The following MAN2A1 variants were observed in gnomAD, a reference collection of about 807,000 sequenced individuals.
MAN2A1 encodes the protein mannosidase alpha class 2A member 1.
In MAN2A1, 76 loss-of-function variants were observed where a neutral mutation model predicts 142.6. The observed-to-expected ratio is 0.53, with a 90% CI of 0.44 to 0.65. MAN2A1 has a LOEUF of 0.65. Among genes scored for constraint, MAN2A1 ranks in the 30% least tolerant of loss-of-function variants. The pLI, the probability that MAN2A1 is intolerant of heterozygous loss-of-function variation, is 0.00. For synonymous variants in MAN2A1, 559 were observed against 473.2 expected (o/e 1.18, Z -2.35); for missense variants, 1,311 against 1,365.1 (o/e 0.96, Z 0.62).
At chr5:109,705,559 G>A (rs950409237) in intron 1 of MAN2A1, among the ~76,000 whole-genome samples, 1 of 152,102 alleles carries the variant, frequency 6.6e-6, no homozygotes, top group Non-Finnish European at 1.5e-5. Context: ...TCTCTAAAAA[G>A]GACTAAGCAT....
intron 19 of MAN2A1, chr5:109,853,762 C>T (rs1041631226): frequency 1.2e-4 from 19 of 152,142 alleles, no homozygotes; most frequent in African/African-American, 4.6e-4. Context: ...AAATTGTTCC[C>T]TCTCTATTCA....
intron 8 of MAN2A1, among the ~76,000 whole-genome samples, chr5:109,779,961 G>T (rs180891438): frequency 7.3e-4 from 111 of 152,228 alleles, no homozygotes; most frequent in Admixed American, 2.2e-3. Context: ...TGCCTTATCA[G>T]TATCATTGTT....
intron 16 of MAN2A1, among the ~76,000 whole-genome samples, chr5:109,838,817 C>G (rs1177205534): frequency 6.6e-6 from 1 of 152,074 alleles, no homozygotes; most frequent in East Asian, 1.9e-4. Context: ...TTTTAAAGAG[C>G]TTTAAGTGTT....
At chr5:109,803,675 A>G (rs1580268718) in intron 12 of MAN2A1, among the ~76,000 whole-genome samples, 1 of 152,222 alleles carries the variant, frequency 6.6e-6, no homozygotes, top group African/African-American at 2.4e-5. Flanking sequence ...TAGTTAAGAT[A>G]TTTGGAAATA....
chr5:109,699,250 T>G (rs1181584981), intron 1 of MAN2A1, among the ~76,000 whole-genome samples: 1 of 152,176 alleles, frequency 6.6e-6, no homozygotes, highest in African/African-American at 2.4e-5. Context: ...AGCCATCAGT[T>G]TTTTTACATC....
intron 4 of MAN2A1, among the ~76,000 whole-genome samples, chr5:109,738,233 GT>G (rs70999941): frequency 0.4 from 48,670 of 122,414 alleles, 9,847 homozygotes; most frequent in African/African-American, 0.61. Flanking sequence ...GGTATTTTAT[GT>G]TTTTTTTTTT....
At chr5:109,692,569 G>A (rs1260762815) in intron 1 of MAN2A1, among the ~76,000 whole-genome samples, 1 of 152,134 alleles carries the variant, frequency 6.6e-6, no homozygotes, top group Admixed American at 6.5e-5. Flanking sequence ...AGATTAATTA[G>A]CTTGCCCAAG....
chr5:109,811,888 A>G (rs1332180371), intron 12 of MAN2A1, among the ~76,000 whole-genome samples: 1 of 152,158 alleles, frequency 6.6e-6, no homozygotes, highest in Non-Finnish European at 1.5e-5. Flanking sequence ...CTACCATGTT[A>G]TCAGAATTCT....
intron 16 of MAN2A1, among the ~76,000 whole-genome samples, chr5:109,827,926 A>G (rs1754798639): frequency 6.6e-6 from 1 of 152,160 alleles, no homozygotes; most frequent in Non-Finnish European, 1.5e-5. Context: ...AAGGTGAAAG[A>G]AACCCCGTCT....
chr5:109,866,570 C>T (rs995512381), intron 21 of MAN2A1, among the ~76,000 whole-genome samples: 1 of 152,188 alleles, frequency 6.6e-6, no homozygotes, highest in African/African-American at 2.4e-5. Flanking sequence ...ATATGTTGCT[C>T]ATGACCATTA....
At chr5:109,701,990 G>GT (rs1750996440) in intron 1 of MAN2A1, among the ~76,000 whole-genome samples, 1 of 152,194 alleles carries the variant, frequency 6.6e-6, no homozygotes, top group Non-Finnish European at 1.5e-5. Context: ...TGCTGATCTG[G>GT]TAGTCATCAG....
At chr5:109,720,104 G>T (rs1751560000) in intron 3 of MAN2A1, among the ~76,000 whole-genome samples, 1 of 152,102 alleles carries the variant, frequency 6.6e-6, no homozygotes, top group Admixed American at 6.5e-5. Flanking sequence ...CTTCCCACTA[G>T]TTAAACTGCT....
intron 1 of MAN2A1, among the ~76,000 whole-genome samples, chr5:109,701,666 A>G (rs1471485861): frequency 2.0e-5 from 3 of 152,188 alleles, no homozygotes; most frequent in Admixed American, 2.0e-4. Flanking sequence ...GGTAATATAG[A>G]CATAAGGCAG....
At chr5:109,798,704 T>C (rs2112692403) in intron 12 of MAN2A1, among the ~76,000 whole-genome samples, 1 of 152,214 alleles carries the variant, frequency 6.6e-6, no homozygotes, top group Admixed American at 6.5e-5. Flanking sequence ...GTTTTTGAGA[T>C]GGAGTATCGC....
chr5:109,783,970 A>C (rs936418782), intron 9 of MAN2A1, among the ~76,000 whole-genome samples: 1 of 151,810 alleles, frequency 6.6e-6, no homozygotes, highest in African/African-American at 2.4e-5. Context: ...GGCTCAAGTG[A>C]TCCTCCCACC....
At chr5:109,766,647 G>A (rs56309577) in intron 5 of MAN2A1, among the ~76,000 whole-genome samples, 12,874 of 151,966 alleles carry the variant, frequency 0.085, 648 homozygotes, top group African/African-American at 0.15. Flanking sequence ...TTGTAACTGT[G>A]GGGTCTTTCA....
intron 13 of MAN2A1, among the ~76,000 whole-genome samples, chr5:109,818,433 A>AGT (rs1754529945): frequency 6.6e-6 from 1 of 152,044 alleles, no homozygotes; most frequent in Non-Finnish European, 1.5e-5. Flanking sequence ...GGTAAACTAT[A>AGT]ATAAAAATTT....
intron 4 of MAN2A1, among the ~76,000 whole-genome samples, chr5:109,745,331 A>G (rs1256590023): frequency 6.6e-6 from 1 of 152,170 alleles, no homozygotes; most frequent in Non-Finnish European, 1.5e-5. Flanking sequence ...AAACATAATG[A>G]TATATGTCTC....
At chr5:109,839,250 A>G (rs1274096572) in intron 16 of MAN2A1, among the ~76,000 whole-genome samples, 1 of 152,200 alleles carries the variant, frequency 6.6e-6, no homozygotes, top group East Asian at 1.9e-4. Context: ...TTCCATATAC[A>G]TTTCATTTTG....
Sources: allele counts gnomAD v4.1 joint callset (sites outside exome capture counted in the v4.1 genomes callset), GRCh38; gene constraint gnomAD v4.1.1; transcripts MANE v1.5; gene names NCBI Gene and HGNC (gene_info 2026-07-23, HGNC 2026-07-21).